Variants in FANCI observed in about 807,000 individuals in gnomAD.
FANCI encodes the protein FA complementation group I, also known as Fanconi anemia group I protein.
FANCI carries 156 observed loss-of-function variants against 176.1 expected under a neutral mutation model. That is an observed-to-expected ratio of 0.89 (90% CI 0.78 to 1.01). The LOEUF is 1.01. Among genes scored for constraint, FANCI ranks in the 50% least tolerant of loss-of-function variants. The probability of loss-of-function intolerance (pLI) is 0.00; values close to 1 mark genes in which losing one functional copy is unlikely to be tolerated. For missense variants in FANCI, 1,678 were observed against 1,534.1 expected (o/e 1.09, Z -1.57); for synonymous variants, 613 against 541.7 (o/e 1.13, Z -1.83).
chr15:89,254,530 T>A (rs1442523612), intron 2 of FANCI, among the ~76,000 whole-genome samples: 1 of 152,118 alleles, frequency 6.6e-6, no homozygotes, highest in African/African-American at 2.4e-5. Flanking sequence ...GATTTATAAG[T>A]CCATACTCAT....
chr15:89,258,382 A>G (rs139580580), intron 2 of FANCI, among the ~76,000 whole-genome samples: 11 of 152,158 alleles, frequency 7.2e-5, no homozygotes, highest in South Asian at 2.1e-4. Flanking sequence ...TCAAATTACT[A>G]TGTCTGTTTT....
At chr15:89,302,627 G>GTAGT (rs993232634) in intron 27 of FANCI, among the ~76,000 whole-genome samples, 3 of 150,622 alleles carry the variant, frequency 2.0e-5, no homozygotes, top group Non-Finnish European at 2.9e-5. Flanking sequence ...AGGCTGGAGT[G>GTAGT]TAGTGGCGCC....
chr15:89,300,242 AAGGCC>A, intron 25 of FANCI, 53 bp from the exon 26 acceptor site: 1 of 1,547,324 alleles, frequency 6.5e-7, no homozygotes, highest in Non-Finnish European at 8.9e-7. Flanking sequence ...TAGCTATTAA[AAGGCC>A]AAAAAGTATG....
intron 35 of FANCI, among the ~76,000 whole-genome samples, 199 bp from the exon 36 acceptor site, chr15:89,314,413 G>A (rs965895047): frequency 6.6e-6 from 1 of 152,230 alleles, no homozygotes; most frequent in African/African-American, 2.4e-5. Context: ...AAATGGATCA[G>A]TGCAATTATC....
intron 6 of FANCI, 46 bp downstream of exon 6, chr15:89,261,924 G>A (rs761065381): frequency 7.6e-6 from 12 of 1,587,160 alleles, no homozygotes; most frequent in East Asian, 6.7e-5. Context: ...TACAAGTGGC[G>A]GAAAAAAAAC....
intron 10 of FANCI, among the ~76,000 whole-genome samples, chr15:89,272,755 C>T (rs1048646863): frequency 2.0e-5 from 3 of 152,002 alleles, no homozygotes; most frequent in Admixed American, 6.6e-5. Context: ...CTGCAACCTT[C>T]GCCTCCCAGA....
At chr15:89,255,667 A>G (rs1370029272) in intron 2 of FANCI, among the ~76,000 whole-genome samples, 3 of 152,212 alleles carry the variant, frequency 2.0e-5, no homozygotes, top group Non-Finnish European at 4.4e-5. Flanking sequence ...TTTTTTAAAA[A>G]CTAAAATTTA....
chr15:89,297,012 G>C (rs1361450934), intron 24 of FANCI, among the ~76,000 whole-genome samples: 2 of 149,796 alleles, frequency 1.3e-5, no homozygotes, highest in Non-Finnish European at 1.5e-5. Context: ...CTGGCCTGGC[G>C]GGGGCTGACC....
intron 31 of FANCI, 98 bp from the exon 32 acceptor site, chr15:89,305,907 TAA>T: frequency 7.7e-7 from 1 of 1,304,138 alleles, no homozygotes; most frequent in Non-Finnish European, 1.1e-6. Flanking sequence ...CGTTTTTCCA[TAA>T]AGACTTTCTA....
intron 3 of FANCI, 107 bp downstream of exon 3, chr15:89,258,883 TG>T: frequency 1.2e-6 from 1 of 857,666 alleles, no homozygotes; most frequent in Non-Finnish European, 2.0e-6. Flanking sequence ...ACATTTTCCA[TG>T]TTTTGAGGAT....
Position 89,312,884 on chromosome 15 carries a change from ATGTGT to A in FANCI, c.3652-18_3652-14del. Reference sequence around the variant, plus strand: ...CAGAAAAATCATCAGGAATAAGAGAATGTGTTTCTATTTCTTTAGAATAAGAGTAA... The same window carrying A: ...CAGAAAAATCATCAGGAATAAGAGAATTCTATTTCTTTAGAATAAGAGTAA... On this transcript the variant is annotated splice_polypyrimidine_tract_variant and intron_variant, in intron 34 of 37. Transcript: ENST00000310775. 3 of 1,594,228 alleles carry A rather than the reference ATGTGT, an allele frequency of 1.9e-6. No homozygotes were observed. The highest frequency in any genetic ancestry group is 2.6e-6 in the Non-Finnish European group (3 of 1,162,174).
intron 22 of FANCI, among the ~76,000 whole-genome samples, 187 bp from the exon 23 acceptor site, chr15:89,293,645 AC>A (rs2054148197): frequency 6.6e-6 from 1 of 152,196 alleles, no homozygotes; most frequent in Admixed American, 6.5e-5. Context: ...CCAAGGTCAC[AC>A]CAGGGGAAAC....
At chr15:89,272,434 G>C (rs188693070) in intron 10 of FANCI, among the ~76,000 whole-genome samples, 19 of 152,010 alleles carry the variant, frequency 1.2e-4, no homozygotes, top group Non-Finnish European at 2.1e-4. Context: ...TCTGTGACTT[G>C]TCTTTTTATT....
chr15:89,291,339 C>T (rs777097765), intron 19 of FANCI, among the ~76,000 whole-genome samples: 1 of 152,054 alleles, frequency 6.6e-6, no homozygotes, highest in Non-Finnish European at 1.5e-5. Flanking sequence ...GTATTTTTAA[C>T]CTCCAAGTTA....
intron 2 of FANCI, among the ~76,000 whole-genome samples, chr15:89,252,723 T>C (rs1309070877): frequency 1.3e-5 from 2 of 152,058 alleles, no homozygotes; most frequent in African/African-American, 2.4e-5. Flanking sequence ...CTGGGCCCCA[T>C]TTACAATAGC....
chr15:89,312,371 C>A (rs1297031319), intron 34 of FANCI, among the ~76,000 whole-genome samples: 2 of 152,220 alleles, frequency 1.3e-5, no homozygotes, highest in African/African-American at 4.8e-5. Flanking sequence ...GCTCTAAGAA[C>A]AACAGATTGT....
chr15:89,263,718 C>A (rs751269280), intron 7 of FANCI, among the ~76,000 whole-genome samples, 185 bp from the exon 8 acceptor site: 1 of 152,116 alleles, frequency 6.6e-6, no homozygotes, highest in Non-Finnish European at 1.5e-5. Flanking sequence ...CTTAAAGGTT[C>A]TTCATTAGAG....
intron 2 of FANCI, among the ~76,000 whole-genome samples, chr15:89,249,073 T>G (rs1412359167): frequency 6.6e-6 from 1 of 152,232 alleles, no homozygotes. Context: ...AGATTCATCT[T>G]GTTTTACTCC....
chr15:89,253,855 T>C (rs1166983277), intron 2 of FANCI, among the ~76,000 whole-genome samples: 2 of 149,918 alleles, frequency 1.3e-5, no homozygotes, highest in Admixed American at 6.7e-5. Context: ...CTAAAAGATA[T>C]ATAAAAATGG....
Sources: allele counts gnomAD v4.1 joint callset (sites outside exome capture counted in the v4.1 genomes callset), GRCh38; gene constraint gnomAD v4.1.1; transcripts MANE v1.5; gene names NCBI Gene and HGNC (gene_info 2026-07-23, HGNC 2026-07-21).